ZDHHC9: variants seen among roughly 807,000 people sequenced by gnomAD.
ZDHHC9 encodes palmitoyltransferase ZDHHC9.
Under a neutral mutation model 26.6 loss-of-function variants are expected in ZDHHC9, and 3 were observed. That is an observed-to-expected ratio of 0.11 (90% confidence interval 0.05 to 0.29). The LOEUF (loss-of-function observed/expected upper bound fraction) is 0.29. ZDHHC9 is among the 10% of genes least tolerant of loss of function. The pLI is 1.00. For synonymous variants in ZDHHC9, 111 were observed against 109.4 expected (o/e 1.01, Z -0.09); for missense variants, 146 against 296.4 (o/e 0.49, Z 3.73).
chrX:129,820,771 C>T (rs1323950475), intron 5 of ZDHHC9, among the ~76,000 whole-genome samples: 1 of 111,680 alleles, frequency 9.0e-6, no homozygotes, highest in Non-Finnish European at 1.9e-5. Flanking sequence ...TCACATCAGA[C>T]CTTTTTATTT....
chrX:129,825,745 A>G (rs1360368017), intron 4 of ZDHHC9, among the ~76,000 whole-genome samples: 2 of 112,035 alleles, frequency 1.8e-5, no homozygotes, highest in East Asian at 5.5e-4. Flanking sequence ...AGAATAAAGA[A>G]AAGAATGGTG....
intron 10 of ZDHHC9, among the ~76,000 whole-genome samples, chrX:129,807,903 C>A (rs183265746): frequency 8.9e-6 from 1 of 112,362 alleles, no homozygotes; most frequent in Non-Finnish European, 1.9e-5. Flanking sequence ...ATATAAAAAT[C>A]AATTGTCTTT....
In ZDHHC9 at chrX:129,812,900, G is replaced by T. The variant is rs7066539; in HGVS notation, c.675-80C>A. 11,630 of 677,159 alleles carry T rather than the reference G, an allele frequency of 0.017. 817 individuals carry two copies. The African/African-American group carries it at 0.21, about 12-fold the overall frequency. 55.8% of individuals were successfully genotyped at this position (677,159 alleles called of 1,213,427 possible). ...CCGCCCATATTCAGAGCACCAGTCA[G>T]ACCATCTTTACCTCCTGGAACGTAT... On this transcript the variant is annotated intron_variant, in intron 7 of 10. Transcript: ENST00000357166.
At chrX:129,822,147 T>G (rs1485905274) in intron 5 of ZDHHC9, among the ~76,000 whole-genome samples, 1 of 111,033 alleles carries the variant, frequency 9.0e-6, no homozygotes, top group African/African-American at 3.3e-5. Context: ...TAAAGACACA[T>G]GCACACATAT....
Position 129,823,792 on chromosome X carries a change from C to T in ZDHHC9, c.374G>A (p.Arg125His), listed in dbSNP as rs1462918844. 8.3e-7 allele frequency: 1 copy of T among 1,211,443 alleles called. No individual in the cohort carries two copies. The highest frequency in any genetic ancestry group is 1.1e-6 in the Non-Finnish European group (1 of 895,270). Reference protein sequence around the residue: ...AVPQGQRPPPRIKNFQINNQI... With the variant: ...AVPQGQRPPPHIKNFQINNQI... ...GTTGTTTATCTGGAAATTCTTGATA[C>T]GAGGCGGTGGTCGCTGGCCCTGGGG... The change falls in exon 5 of 11, where the codon CGT becomes CAT. Residue 125 changes from arginine (R) to histidine (H), a missense_variant. Coordinates refer to ENST00000357166, the MANE Select transcript of ZDHHC9 (RefSeq NM_016032.4).
chrX:129,813,398 GA>G (rs57600626), intron 7 of ZDHHC9, among the ~76,000 whole-genome samples: 1 of 111,158 alleles, frequency 9.0e-6, no homozygotes, highest in Non-Finnish European at 1.9e-5. Context: ...ACTGGTGGGG[GA>G]AAAAAAAGAG....
chrX:129,810,358 T>C (rs1328692767), intron 10 of ZDHHC9, among the ~76,000 whole-genome samples: 2 of 109,489 alleles, frequency 1.8e-5, no homozygotes, highest in Non-Finnish European at 3.8e-5. Context: ...AAAAAAAAGC[T>C]CAAGTAATAT....
chrX:129,810,775 A>C (rs750383069), intron 10 of ZDHHC9, 130 bp downstream of exon 10: 1 of 547,867 alleles, frequency 1.8e-6, no homozygotes, highest in Non-Finnish European at 3.2e-6. Flanking sequence ...TCTGAAGGCA[A>C]CATCAGGGCA....
At chrX:129,830,324 G>C (rs58373350) in intron 3 of ZDHHC9, among the ~76,000 whole-genome samples, 4,464 of 111,491 alleles carry the variant, frequency 0.04, 236 homozygotes, top group African/African-American at 0.14. Flanking sequence ...GATAATAACA[G>C]TGCTTGATGA....
At chrX:129,820,345 T>C (rs1927854344) in intron 5 of ZDHHC9, among the ~76,000 whole-genome samples, 1 of 108,992 alleles carries the variant, frequency 9.2e-6, no homozygotes, top group African/African-American at 3.3e-5. Flanking sequence ...TTTGGGAAGC[T>C]GCAGCAGGTG....
chrX:129,817,948 A>T (rs1018096584), intron 5 of ZDHHC9, among the ~76,000 whole-genome samples: 4 of 111,690 alleles, frequency 3.6e-5, no homozygotes, highest in African/African-American at 1.3e-4. Context: ...GTAGGTTTTG[A>T]GTCCTTGTTG....
At chrX:129,825,162 G>T (rs1927985363) in intron 4 of ZDHHC9, among the ~76,000 whole-genome samples, 1 of 111,145 alleles carries the variant, frequency 9.0e-6, no homozygotes, top group Non-Finnish European at 1.9e-5. Flanking sequence ...AATTAGCCAA[G>T]CATGGTGGCA....
intron 10 of ZDHHC9, among the ~76,000 whole-genome samples, chrX:129,807,466 A>C (rs1347806907): frequency 9.1e-6 from 1 of 109,425 alleles, no homozygotes; most frequent in Non-Finnish European, 1.9e-5. Flanking sequence ...AAAAAAAAAA[A>C]AAAAAAAAAG....
At chrX:129,822,059 T>C (rs918979411) in intron 5 of ZDHHC9, among the ~76,000 whole-genome samples, 42 of 111,537 alleles carry the variant, frequency 3.8e-4, no homozygotes, top group African/African-American at 1.4e-3. Flanking sequence ...TCCTCAAGGA[T>C]CCAGTACCAG....
chrX:129,830,790 C>A (rs1426227494), intron 3 of ZDHHC9, among the ~76,000 whole-genome samples: 2 of 111,674 alleles, frequency 1.8e-5, no homozygotes, highest in Admixed American at 1.9e-4. Flanking sequence ...TTCGGAACAA[C>A]CCCCATGAGG....
At chrX:129,808,676 C>A (rs1273086729) in intron 10 of ZDHHC9, among the ~76,000 whole-genome samples, 3 of 111,550 alleles carry the variant, frequency 2.7e-5, no homozygotes, top group Non-Finnish European at 5.6e-5. Flanking sequence ...AGATATGACA[C>A]CAAAAAGTAC....
chrX:129,841,729 CT>C, intron 3 of ZDHHC9, 49 bp downstream of exon 3: 7 of 1,207,663 alleles, frequency 5.8e-6, no homozygotes, highest in Non-Finnish European at 7.8e-6. Flanking sequence ...GGTTCTTCCC[CT>C]GGACCCAAAG....
rs1240954820 is a variant in ZDHHC9 at position 129,823,752 on chromosome X, C to A, written c.414G>T (p.Leu138=). 2.5e-6 allele frequency: 3 copies of A among 1,212,332 alleles called. No individual in the cohort carries two copies. The highest frequency in any genetic ancestry group is 1.1e-6 in the Non-Finnish European group (1 of 895,579). The change falls in exon 5 of 11, where the codon CTG becomes CTT. Residue 138 remains leucine, a synonymous_variant. Transcript: ENST00000357166. ...NFQINNQIVK[L]KYCYTCKIFR... ...AGATCTTGCATGTGTAACAGTATTTCAGTTTCACAATCTGGTTGTTTATCT... is the reference window on the plus strand; with the variant it reads ...AGATCTTGCATGTGTAACAGTATTTAAGTTTCACAATCTGGTTGTTTATCT...
At chrX:129,830,672 C>G (rs1233916073) in intron 3 of ZDHHC9, among the ~76,000 whole-genome samples, 2 of 111,813 alleles carry the variant, frequency 1.8e-5, no homozygotes. Flanking sequence ...AGAGAGAGAG[C>G]AGAGAAAGTA....
Sources: gnomAD v4.1 joint callset for allele counts (sites outside exome capture counted in the v4.1 genomes callset) on GRCh38, gnomAD v4.1.1 for gene constraint, MANE v1.5 for transcripts, NCBI Gene and HGNC (gene_info 2026-07-23, HGNC 2026-07-21) for gene names.